The following CWH43 variants were observed in gnomAD, a reference collection of about 807,000 sequenced individuals.
CWH43 encodes the protein PGAP2-interacting protein.
Under a neutral mutation model 85.7 loss-of-function variants are expected in CWH43, and 91 were observed. That is an observed-to-expected ratio of 1.06 (90% CI 0.90 to 1.26). The LOEUF (loss-of-function observed/expected upper bound fraction) is 1.26, where lower values mean the gene tolerates loss of function less well. Among genes scored for constraint, CWH43 ranks in the 50% most tolerant of loss-of-function variants. The probability of loss-of-function intolerance (pLI) is 0.00; values close to 1 mark genes in which losing one functional copy is unlikely to be tolerated. For missense variants in CWH43, 869 were observed against 839.2 expected (o/e 1.04, Z -0.44); for synonymous variants, 323 against 293.6 (o/e 1.10, Z -1.02).
chr4:49,006,556 C>A (rs989151784), intron 7 of CWH43, among the ~76,000 whole-genome samples: 1 of 152,182 alleles, frequency 6.6e-6, no homozygotes, highest in Non-Finnish European at 1.5e-5. Context: ...TTCTTAAATG[C>A]CTTAATTTCT....
Position 49,061,981 on chromosome 4 carries a change from C to A in CWH43, c.*91C>A. 1 of 1,009,792 alleles carries A rather than the reference C, an allele frequency of 9.9e-7. No homozygotes were observed. Among genetic ancestry groups the A allele is most frequent in the African/African-American group, 1.6e-5 (1 of 61,238 alleles). The allele number at this position is 1,009,792 out of a possible 1,614,324, so 62.6% of individuals were successfully genotyped here. ...AGAGATTAATGAAAGTGGGAAAATA[C>A]ACATGAAGAACCTCAACTTAAAAAA... On this transcript the variant is annotated 3_prime_UTR_variant, in exon 16 of 16. Transcript: ENST00000226432.
chr4:49,026,508 C>T (rs904799860), intron 9 of CWH43, among the ~76,000 whole-genome samples: 5 of 152,136 alleles, frequency 3.3e-5, no homozygotes, highest in Admixed American at 2.0e-4. Flanking sequence ...TTCCTGCCAT[C>T]CCCAATATGT....
chr4:49,024,630 A>G (rs1011229459), intron 9 of CWH43, among the ~76,000 whole-genome samples: 5 of 152,148 alleles, frequency 3.3e-5, no homozygotes, highest in Non-Finnish European at 4.4e-5. Context: ...GCTGGCTACA[A>G]AATTCTTGGC....
intron 13 of CWH43, among the ~76,000 whole-genome samples, chr4:49,039,430 C>CA (rs1560509360): frequency 1.5e-4 from 19 of 131,034 alleles, no homozygotes; most frequent in African/African-American, 5.3e-4. Context: ...TATATATACA[C>CA]TTATATATAT....
At chr4:49,020,416 C>CACACACACACACAT (rs140534523) in intron 9 of CWH43, among the ~76,000 whole-genome samples, 281 of 128,368 alleles carry the variant, frequency 2.2e-3, no homozygotes, top group Admixed American at 9.9e-3. Flanking sequence ...CACACACACA[C>CACACACACACACAT]ATATATATAT....
chr4:49,008,259 A>G (rs1408929176), intron 8 of CWH43, among the ~76,000 whole-genome samples: 29 of 151,936 alleles, frequency 1.9e-4, no homozygotes, highest in Admixed American at 1.8e-3. Flanking sequence ...TGTTGGCTGC[A>G]TAAATGTCTT....
At chr4:49,026,412 G>C (rs1560501902) in intron 9 of CWH43, among the ~76,000 whole-genome samples, 1 of 152,202 alleles carries the variant, frequency 6.6e-6, no homozygotes, top group African/African-American at 2.4e-5. Context: ...AGTTCTTGGA[G>C]CAAAAGTTCA....
At chr4:49,013,081 T>TATGCCTGGCCCACAG (rs1267013020) in intron 8 of CWH43, among the ~76,000 whole-genome samples, 1 of 152,234 alleles carries the variant, frequency 6.6e-6, no homozygotes, top group Non-Finnish European at 1.5e-5. Flanking sequence ...TTTGTTCAGC[T>TATGCCTGGCCCACAG]ATGCCTGGCC....
intron 1 of CWH43, among the ~76,000 whole-genome samples, chr4:48,987,314 T>C (rs1389525629): frequency 6.6e-6 from 1 of 152,130 alleles, no homozygotes; most frequent in African/African-American, 2.4e-5. Context: ...AGGTACTCAG[T>C]GCACTTGATC....
chr4:49,059,641 A>C (rs541103740), intron 15 of CWH43, among the ~76,000 whole-genome samples: 19 of 152,172 alleles, frequency 1.2e-4, no homozygotes, highest in Non-Finnish European at 2.5e-4. Context: ...TCAGTGGGCT[A>C]TCTAGCTGGG....
intron 9 of CWH43, among the ~76,000 whole-genome samples, chr4:49,020,416 C>CACACATATATATATAT (rs140534523): frequency 7.8e-6 from 1 of 128,340 alleles, no homozygotes; most frequent in African/African-American, 2.7e-5. Context: ...CACACACACA[C>CACACATATATATATAT]ATATATATAT....
intron 13 of CWH43, among the ~76,000 whole-genome samples, chr4:49,038,975 A>G (rs1000368433): frequency 5.9e-5 from 9 of 151,554 alleles, no homozygotes; most frequent in African/African-American, 2.2e-4. Flanking sequence ...GGAGAATGGC[A>G]GGAATCTGAG....
rs760596654 is a variant in CWH43, at chr4:49,003,704, CCTGTCTGATTCTTTT to C, written c.803-28_803-14del. On this transcript the variant is annotated splice_polypyrimidine_tract_variant and intron_variant, in intron 6 of 15. Coordinates refer to ENST00000226432, the MANE Select transcript of CWH43 (RefSeq NM_025087.3). ...GTCATCCTCTAAGCTCGACTGCTTT[CCTGTCTGATTCTTTT>C]CTCTCTCACAAACAGGAACAGCTTC... is the stretch of plus-strand genomic sequence containing the variant. The C allele has an allele frequency of 6.2e-7, 1 of 1,611,902 alleles. No homozygotes were observed. Among genetic ancestry groups the C allele is most frequent in the South Asian group, 1.1e-5 (1 of 90,814 alleles).
intron 12 of CWH43, among the ~76,000 whole-genome samples, chr4:49,035,714 A>C (rs1360216026): frequency 6.6e-6 from 1 of 152,172 alleles, no homozygotes; most frequent in Non-Finnish European, 1.5e-5. Flanking sequence ...TTATACATAT[A>C]CTTTTTACTT....
chr4:48,996,627 T>C (rs1181701434), intron 5 of CWH43, among the ~76,000 whole-genome samples: 1 of 152,202 alleles, frequency 6.6e-6, no homozygotes, highest in Non-Finnish European at 1.5e-5. Context: ...CAAAGTTACC[T>C]GTGAAAACAA....
chr4:49,001,006 A>G (rs374547976), intron 6 of CWH43, among the ~76,000 whole-genome samples: 1 of 152,088 alleles, frequency 6.6e-6, no homozygotes, highest in East Asian at 1.9e-4. Flanking sequence ...ACTGTGATTC[A>G]TCTCTGGAAA....
chr4:48,997,493 C>T (rs187979764), intron 5 of CWH43, among the ~76,000 whole-genome samples: 315 of 152,208 alleles, frequency 2.1e-3, no homozygotes, highest in Non-Finnish European at 3.6e-3. Context: ...AGTGGGCACT[C>T]AAAAATATTT....
chr4:48,990,844 A>G (rs979317684), intron 2 of CWH43, among the ~76,000 whole-genome samples: 5 of 152,238 alleles, frequency 3.3e-5, no homozygotes, highest in Non-Finnish European at 5.9e-5. Flanking sequence ...TCATAGCAGC[A>G]TTATTCATGA....
chr4:49,044,437 G>T (rs1178985261), intron 13 of CWH43, among the ~76,000 whole-genome samples: 3 of 152,154 alleles, frequency 2.0e-5, no homozygotes, highest in African/African-American at 7.2e-5. Flanking sequence ...TACTGTACAG[G>T]ATGACCAATG....
Sources: gnomAD v4.1 joint callset for allele counts (sites outside exome capture counted in the v4.1 genomes callset) on GRCh38, gnomAD v4.1.1 for gene constraint, MANE v1.5 for transcripts, NCBI Gene and HGNC (gene_info 2026-07-23, HGNC 2026-07-21) for gene names.